Variants in BTAF1 observed in about 807,000 individuals in gnomAD.
The protein encoded by BTAF1 is TATA-binding protein-associated factor 172.
In BTAF1, 38 loss-of-function variants were observed where a neutral mutation model predicts 227.1. The ratio of observed to expected loss-of-function variants is 0.17; its 90% CI spans 0.13 to 0.22. BTAF1 has a LOEUF of 0.22. BTAF1 is among the 10% of genes least tolerant of loss of function. The probability of loss-of-function intolerance (pLI) is 1.00; values close to 1 mark genes in which losing one functional copy is unlikely to be tolerated. For synonymous variants in BTAF1, 742 were observed against 751.9 expected (o/e 0.99, Z 0.21); for missense variants, 1,598 against 2,204.0 (o/e 0.73, Z 5.51).
intron 25 of BTAF1, among the ~76,000 whole-genome samples, chr10:91,998,697 T>G (rs566902163): frequency 5.9e-5 from 9 of 152,226 alleles, no homozygotes; most frequent in Admixed American, 5.9e-4. Flanking sequence ...ATGGACATAC[T>G]GCATTTTGTT....
chr10:92,027,591 G>C (rs960634932), intron 37 of BTAF1, among the ~76,000 whole-genome samples: 2 of 152,134 alleles, frequency 1.3e-5, no homozygotes, highest in African/African-American at 2.4e-5. Context: ...ATGGGTGAGA[G>C]TTCTTGGCCC....
Position 91,962,667 on chromosome 10 carries a change from C to G in BTAF1, c.1393C>G (p.Gln465Glu). ...VPVVESLVYL[Q>E]TQKVPFIINT... ...TGTAGTAGAAAGCCTTGTCTATCTT[C>G]AGACACAAAAGGTAAATTAAATATT... Residue 465 changes from glutamine to glutamate, a missense_variant, in exon 12 of 38, where the codon CAG becomes GAG. Physicochemically the swap from Gln to Glu is conservative, Grantham distance 29. Coordinates refer to ENST00000265990, the MANE Select transcript of BTAF1 (RefSeq NM_003972.3). 6.3e-7 allele frequency: 1 copy of G among 1,592,598 alleles called. No individual in the cohort carries two copies. Among genetic ancestry groups the G allele is most frequent in the Non-Finnish European group, 8.5e-7 (1 of 1,172,302 alleles).
Position 92,018,794 on chromosome 10 carries a change from C to A in BTAF1, c.4722C>A (p.Tyr1574Ter). Residue 1574 changes from tyrosine (Y) to a stop codon, truncating the protein, a stop_gained, in exon 34 of 38, where the codon TAC becomes TAA. Coordinates refer to ENST00000265990, the MANE Select transcript of BTAF1 (RefSeq NM_003972.3). LOFTEE classifies it high-confidence loss of function. Reference sequence around the variant, plus strand: ...TTTTCCTCTTGAAGGCATTACAGTACTTACGTAAACTGTGCAACCATCCAG... The same window carrying A: ...TTTTCCTCTTGAAGGCATTACAGTAATTACGTAAACTGTGCAACCATCCAG... ...ATGHVFQALQ[Y>*]LRKLCNHPAL... The A allele has an allele frequency of 1.3e-6, 2 of 1,557,882 alleles. No individual in the cohort carries two copies. Among genetic ancestry groups the A allele is most frequent in the South Asian group, 2.4e-5 (2 of 81,686 alleles).
At chr10:91,978,814 G>GTTTTTTTTTTTTTTTTTTTTTTTTTT (rs145477284) in intron 14 of BTAF1, among the ~76,000 whole-genome samples, 1 of 89,866 alleles carries the variant, frequency 1.1e-5, no homozygotes, top group Non-Finnish European at 2.0e-5. Context: ...TTTATGGCTT[G>GTTTTTTTTTTTTTTTTTTTTTTTTTT]TTTTTTTTTT....
At chr10:92,025,810 C>CAAAAAAAAAAAAAAAAA (rs71025383) in intron 35 of BTAF1, among the ~76,000 whole-genome samples, 1 of 86,900 alleles carries the variant, frequency 1.2e-5, no homozygotes, top group Non-Finnish European at 2.2e-5. Flanking sequence ...GACTCTGTCT[C>CAAAAAAAAAAAAAAAAA]AAAAAAAAAA....
In BTAF1 at chr10:92,031,248, T is replaced by C. The variant is rs1235105579; in HGVS notation, c.*2315T>C. Among the ~76,000 whole-genome samples, 2 of 152,208 alleles carry C rather than the reference T, an allele frequency of 1.3e-5. No individual in the cohort carries two copies. Among genetic ancestry groups the C allele is most frequent in the Admixed American group, 1.3e-4 (2 of 15,284 alleles). The stretch of plus-strand genomic sequence containing the variant: ...TTTGGGGGCCTGGGTATAATTTTTG[T>C]TTCATATATTCACTCATATATATGC... On this transcript the variant is annotated 3_prime_UTR_variant, in exon 38 of 38. Coordinates refer to ENST00000265990, the MANE Select transcript of BTAF1 (RefSeq NM_003972.3).
chr10:91,988,441 T>G (rs531838350), intron 19 of BTAF1, among the ~76,000 whole-genome samples: 1 of 152,288 alleles, frequency 6.6e-6, no homozygotes, highest in Non-Finnish European at 1.5e-5. Flanking sequence ...ATGGGTAGTT[T>G]TTATGGTATG....
chr10:91,967,651 C>G (rs952755271), intron 14 of BTAF1, among the ~76,000 whole-genome samples: 4 of 152,168 alleles, frequency 2.6e-5, no homozygotes, highest in Non-Finnish European at 5.9e-5. Flanking sequence ...TTGATTTTGT[C>G]TGATCCAAAT....
chr10:91,974,016 T>G (rs1847509160), intron 14 of BTAF1, among the ~76,000 whole-genome samples: 1 of 151,812 alleles, frequency 6.6e-6, no homozygotes, highest in African/African-American at 2.4e-5. Flanking sequence ...GGGGACAAAA[T>G]AATTATGTGT....
chr10:91,938,363 C>CT (rs1449180051), intron 2 of BTAF1, among the ~76,000 whole-genome samples: 4 of 152,142 alleles, frequency 2.6e-5, no homozygotes, highest in Non-Finnish European at 5.9e-5. Context: ...AGATTTACCC[C>CT]TAAGTTCTCC....
chr10:91,962,073 TTTTG>T (rs1444753953), intron 11 of BTAF1, among the ~76,000 whole-genome samples: 1 of 152,198 alleles, frequency 6.6e-6, no homozygotes, highest in Admixed American at 6.5e-5. Context: ...GATGTTACAT[TTTTG>T]TTTATGTGAT....
chr10:92,016,216 C>T lies in BTAF1; in HGVS notation c.4585-124C>T, dbSNP rs1158821196. 3.5e-6 allele frequency: 4 copies of T among 1,142,116 alleles called. No individual in the cohort carries two copies. In the African/African-American group the frequency reaches 6.5e-5, roughly 18 times the overall value. 70.7% of individuals were successfully genotyped at this position (1,142,116 alleles called of 1,614,324 possible). A position where few individuals can be genotyped will look rare whatever the true frequency, so the allele number is the denominator to read the frequency against. On this transcript the variant is annotated intron_variant, in intron 32 of 37. Coordinates refer to ENST00000265990, the MANE Select transcript of BTAF1 (RefSeq NM_003972.3). ...TTCCTGTAGTGAATTAGAGATATCA[C>T]AATTTGTTTTCATTAATGAGGGCTG...
chr10:92,002,310 T>A (rs1189298006), intron 25 of BTAF1, among the ~76,000 whole-genome samples: 1 of 152,236 alleles, frequency 6.6e-6, no homozygotes, highest in East Asian at 1.9e-4. Flanking sequence ...AAATGCATGT[T>A]GTCAAAGAAT....
chr10:92,009,252 T>C (rs1401166523), intron 28 of BTAF1, 44 bp downstream of exon 28: 3 of 1,575,586 alleles, frequency 1.9e-6, no homozygotes, highest in Non-Finnish European at 2.6e-6. Context: ...TCTGTTGTCA[T>C]AATTAAGATA....
intron 1 of BTAF1, among the ~76,000 whole-genome samples, chr10:91,926,383 A>C (rs184469675): frequency 3.9e-5 from 6 of 152,332 alleles, no homozygotes; most frequent in Admixed American, 3.3e-4. Context: ...TAGTACCATT[A>C]TTCCCTCAAT....
In BTAF1 at chr10:92,013,917, C is replaced by T. The variant is rs987973346; in HGVS notation, c.4472C>T (p.Ala1491Val). The change falls in exon 32 of 38, where the codon GCG becomes GTG. Residue 1491 changes from alanine to valine, a missense_variant. This residue lies in a region of BTAF1 where 184 missense variants were observed against 341.1 expected (regional missense o/e 0.54). Transcript: ENST00000265990. ...EQEAGVLAMD[A>V]LHRQVLPFLL... is the part of the protein sequence containing the mutation. ...TTAACAGGTGTTCTTGCTATGGATGCGCTGCACCGCCAAGTACTACCGTTT... is the reference window on the plus strand; with the variant it reads ...TTAACAGGTGTTCTTGCTATGGATGTGCTGCACCGCCAAGTACTACCGTTT... 6.2e-6 allele frequency: 10 copies of T among 1,613,692 alleles called. No individual in the cohort carries two copies. The East Asian group carries it at 1.6e-4, about 25-fold the overall frequency.
Position 92,008,281 on chromosome 10 carries a change from T to G in BTAF1, c.3813+6T>G, listed in dbSNP as rs1167997771. 1.3e-6 allele frequency: 2 copies of G among 1,563,184 alleles called. No individual in the cohort carries two copies. The highest frequency in any genetic ancestry group is 2.4e-5 in the South Asian group (2 of 82,620). The stretch of plus-strand genomic sequence containing the variant: ...AACTCAGAAAATATCAGCAGGTAAG[T>G]TTTATACAATAGTGAGTTTTCCTTT... On this transcript the variant is annotated splice_donor_region_variant and intron_variant, in intron 26 of 37. Coordinates refer to ENST00000265990, the MANE Select transcript of BTAF1 (RefSeq NM_003972.3).
At chr10:91,980,410 C>CTG in intron 14 of BTAF1, 44 bp from the exon 15 acceptor site, 2 of 1,402,064 alleles carry the variant, frequency 1.4e-6, no homozygotes, top group Non-Finnish European at 2.0e-6. Context: ...AGCTAACATC[C>CTG]AAGAATTATA....
intron 5 of BTAF1, 51 bp from the exon 6 acceptor site, chr10:91,953,686 T>C: frequency 6.3e-7 from 1 of 1,586,508 alleles, no homozygotes. Flanking sequence ...AGACTATAGG[T>C]ACTTATTTTA....
Sources: gnomAD v4.1 joint callset for allele counts (sites outside exome capture counted in the v4.1 genomes callset) on GRCh38, gnomAD v4.1.1 for gene constraint, gnomAD v4.1.1 regional missense constraint, MANE v1.5 for transcripts, NCBI Gene and HGNC (gene_info 2026-07-23, HGNC 2026-07-21) for gene names.